The following FAM118B variants were observed in gnomAD, a reference collection of about 807,000 sequenced individuals.
The protein encoded by FAM118B is protein FAM118B.
A neutral mutation model predicts 38.5 loss-of-function variants in FAM118B; 24 were observed. The observed-to-expected ratio is 0.62, with a 90% CI of 0.45 to 0.88. FAM118B has a LOEUF of 0.88. FAM118B is among the 40% of genes least tolerant of loss of function. The probability of loss-of-function intolerance (pLI) is 0.00; values close to 1 mark genes in which losing one functional copy is unlikely to be tolerated. For synonymous variants in FAM118B, 138 were observed against 156.3 expected, an observed-to-expected ratio of 0.88 and a Z score of 0.87; for missense variants, 334 against 420.0, an observed-to-expected ratio of 0.80 and a Z score of 1.79.
rs1950728967 is a variant in FAM118B at position 126,262,812 on chromosome 11, C to A, written c.*679C>A. 6.6e-6 allele frequency: 1 copy of A among 152,540 alleles called. No individual in the cohort carries two copies. Among genetic ancestry groups the A allele is most frequent in the South Asian group, 2.1e-4 (1 of 4,834 alleles). 9.4% of individuals were successfully genotyped at this position (152,540 alleles called of 1,614,324 possible). ...GGACAACCGTTTACTTACCTGATTCCTCGGAGCATTATCAACTTCTGCTCT... is the reference window on the plus strand; with the variant it reads ...GGACAACCGTTTACTTACCTGATTCATCGGAGCATTATCAACTTCTGCTCT... On this transcript the variant is annotated 3_prime_UTR_variant, in exon 9 of 9. Transcript: ENST00000533050.
chr11:126,250,418 T>G lies in FAM118B; in HGVS notation c.340-88T>G. ...TATCTCTGTTTTGAATTCAAAATAT[T>G]CTTCCAAAATTTGTTACTGCTGTAA... On this transcript the variant is annotated intron_variant, in intron 4 of 8. Coordinates refer to ENST00000533050, the MANE Select transcript of FAM118B (RefSeq NM_024556.4). This position sits in a 1 kb window ranked among gnomAD's most constrained non-coding sequence, Gnocchi z 5.1. 1 of 867,934 alleles carries G rather than the reference T, an allele frequency of 1.2e-6. No individual in the cohort carries two copies. The highest frequency in any genetic ancestry group is 1.8e-6 in the Non-Finnish European group (1 of 547,946). The allele number at this position is 867,934 out of a possible 1,614,324, so 53.8% of individuals were successfully genotyped here.
chr11:126,257,569 A>T (rs946886850), intron 7 of FAM118B, among the ~76,000 whole-genome samples: 2 of 152,046 alleles, frequency 1.3e-5, no homozygotes, highest in Non-Finnish European at 2.9e-5. Context: ...GCAGGTTGTA[A>T]ATACCATGGT....
Position 126,261,469 on chromosome 11 carries a change from C to A in FAM118B, c.1027C>A (p.His343Asn). Reference protein sequence around the residue: ...EGQLNGSSAAHSEIRGCST With the variant: ...EGQLNGSSAANSEIRGCST ...TCAGCTAAATGGCTCATCTGCAGCA[C>A]ACAGTGAAATAAGAGGTATACTGTT... The change falls in exon 8 of 9, where the codon CAC (histidine) becomes AAC (asparagine). Residue 343 changes from histidine to asparagine, a missense_variant. This residue lies in a region of FAM118B where 88 missense variants were observed against 98.1 expected (regional missense o/e 0.90). Coordinates refer to ENST00000533050, the MANE Select transcript of FAM118B (RefSeq NM_024556.4). The A allele has an allele frequency of 6.2e-7, 1 of 1,613,508 alleles. No homozygotes were observed. Among genetic ancestry groups the A allele is most frequent in the Non-Finnish European group, 8.5e-7 (1 of 1,179,430 alleles).
rs1287333808 is a variant in FAM118B, at chr11:126,240,889, C to T, written c.184C>T (p.Leu62Phe). Residue 62 changes from leucine (L) to phenylalanine (F), a missense_variant, in exon 4 of 9, where the codon CTC (leucine) becomes TTC (phenylalanine). By Grantham distance (22) the Leu-to-Phe change is conservative (BLOSUM62 0). Transcript: ENST00000533050. ...TGCAGTTGCGCCCCAAGTTCCAGCC[C>T]TCAAATCCTGGAAGGGGTTAATTCA... ...SAAVAPQVPA[L>F]KSWKGLIQAL... 1 of 1,614,036 alleles carries T rather than the reference C, an allele frequency of 6.2e-7. No individual in the cohort carries two copies. Among genetic ancestry groups the T allele is most frequent in the East Asian group, 2.2e-5 (1 of 44,894 alleles).
chr11:126,240,938 A>G lies in FAM118B; in HGVS notation c.233A>G (p.Asp78Gly). The G allele has an allele frequency of 6.2e-7, 1 of 1,614,118 alleles. No individual in the cohort carries two copies. Among genetic ancestry groups the G allele is most frequent in the Non-Finnish European group, 8.5e-7 (1 of 1,180,028 alleles). The change falls in exon 4 of 9, where the codon GAT becomes GGT. Residue 78 changes from aspartate to glycine, a missense_variant. This residue lies in a region of FAM118B where 240 missense variants were observed against 295.9 expected (regional missense o/e 0.81). Coordinates refer to ENST00000533050, the MANE Select transcript of FAM118B (RefSeq NM_024556.4). ...LIQALLDAAI[D>G]FDLLEDEESK... ...CAGGCCTTACTGGATGCTGCCATTG[A>G]TTTTGATCTTTTAGAAGATGAGGAG...
At chr11:126,233,953 G>C (rs1329081667) in intron 2 of FAM118B, among the ~76,000 whole-genome samples, 1 of 152,098 alleles carries the variant, frequency 6.6e-6, no homozygotes, top group Non-Finnish European at 1.5e-5. Context: ...GTGGTAGCAT[G>C]TGCCTGTAGT....
At chr11:126,214,514 G>GTTTTTTTTTTTTTTT (rs71048770) in intron 1 of FAM118B, 3 of 41,498 alleles carry the variant, frequency 7.2e-5, no homozygotes, top group Non-Finnish European at 1.1e-4. Flanking sequence ...TTTTTTTTTT[G>GTTTTTTTTTTTTTTT]TTTTTTTTTT....
chr11:126,233,867 G>C (rs1950238557), intron 2 of FAM118B: 1 of 393,214 alleles, frequency 2.5e-6, no homozygotes, highest in Non-Finnish European at 4.9e-6. Flanking sequence ...AAGATTACTT[G>C]AGCTCAGGAG....
intron 3 of FAM118B, among the ~76,000 whole-genome samples, chr11:126,239,680 A>G (rs1179936920): frequency 6.6e-6 from 1 of 151,982 alleles, no homozygotes; most frequent in Non-Finnish European, 1.5e-5. Context: ...GACCCAGCTA[A>G]TTTTTGTATT....
In FAM118B at chr11:126,253,470, C is replaced by T. The variant is rs1019311176; in HGVS notation, c.568-835C>T. On this transcript the variant is annotated intron_variant, in intron 5 of 8. Coordinates refer to ENST00000533050, the MANE Select transcript of FAM118B (RefSeq NM_024556.4). The surrounding 1 kb of genome is among the most constrained non-coding windows in gnomAD (Gnocchi z 5.1). ...CGCTGTTGTCTAAATGATTGTTCTT[C>T]GCTGGCAGCCTTTTAGGTTCCTCAG... Among the ~76,000 whole-genome samples the T allele has an allele frequency of 2.0e-5, 3 of 152,286 alleles. No homozygotes were observed. Among genetic ancestry groups the T allele is most frequent in the South Asian group, 2.1e-4 (1 of 4,828 alleles).
At chr11:126,238,551 AAG>A (rs1301818652) in intron 3 of FAM118B, among the ~76,000 whole-genome samples, 8 of 152,190 alleles carry the variant, frequency 5.3e-5, no homozygotes, top group African/African-American at 1.4e-4. Context: ...CCTCTGGGGA[AAG>A]AGAGTTGGGG....
Position 126,256,559 on chromosome 11 carries a change from C to T in FAM118B, c.697-8C>T. 2 of 1,612,476 alleles carry T rather than the reference C, an allele frequency of 1.2e-6. No homozygotes were observed. The highest frequency in any genetic ancestry group is 1.7e-6 in the Non-Finnish European group (2 of 1,179,244). On this transcript the variant is annotated splice_polypyrimidine_tract_variant and splice_region_variant and intron_variant, in intron 6 of 8. Transcript: ENST00000533050. The surrounding 1 kb of genome is among the most constrained non-coding windows in gnomAD (Gnocchi z 6.6). ...ACAATGTCAATATGTTGTATCTTTT[C>T]CTTCCAGAGAGAAATTCAGAAACTC... is the stretch of plus-strand genomic sequence containing the variant.
At chr11:126,243,820 C>G (rs1390556681) in intron 4 of FAM118B, among the ~76,000 whole-genome samples, 1 of 151,390 alleles carries the variant, frequency 6.6e-6, no homozygotes, top group Non-Finnish European at 1.5e-5. Flanking sequence ...AGGAGAATTG[C>G]TGGAACCCGG....
intron 2 of FAM118B, among the ~76,000 whole-genome samples, chr11:126,232,391 A>G (rs1950218265): frequency 6.6e-6 from 1 of 152,142 alleles, no homozygotes; most frequent in South Asian, 2.1e-4. Context: ...AATGCCTCGT[A>G]AGGTTATGCG....
intron 3 of FAM118B, among the ~76,000 whole-genome samples, chr11:126,237,856 C>CA (rs1279296349): frequency 0.03 from 1,805 of 59,758 alleles, 20 homozygotes; most frequent in Admixed American, 0.035. Flanking sequence ...ACTCCGTCTC[C>CA]AAAAAAAAAA....
Position 126,240,987 on chromosome 11 carries a change from C to T in FAM118B, c.282C>T (p.Leu94=), listed in dbSNP as rs1950349188. The T allele has an allele frequency of 1.2e-6, 2 of 1,613,906 alleles. No individual in the cohort carries two copies. The highest frequency in any genetic ancestry group is 2.2e-5 in the East Asian group (1 of 44,884). The change falls in exon 4 of 9, where the codon CTC becomes CTT. Residue 94 remains leucine (L), a synonymous_variant. Coordinates refer to ENST00000533050, the MANE Select transcript of FAM118B (RefSeq NM_024556.4). ...AGAGCAAAAAGTTTCAGAAATGTCT[C>T]CATGAAGACAAGAACCTGGTCCATG... The part of the protein sequence containing the change: ...DEESKKFQKC[L]HEDKNLVHVA...
chr11:126,236,766 TC>T (rs889686288), intron 3 of FAM118B, among the ~76,000 whole-genome samples: 6 of 151,948 alleles, frequency 3.9e-5, no homozygotes, highest in African/African-American at 4.8e-5. Context: ...TTTATTTTTT[TC>T]CCCCCCATTT....
rs138136621 is a variant in FAM118B, at chr11:126,235,023, G to T, written c.22G>T (p.Ala8Ser). 9.3e-6 allele frequency: 15 copies of T among 1,614,082 alleles called. No individual in the cohort carries two copies. Among genetic ancestry groups the T allele is most frequent in the Non-Finnish European group, 1.3e-5 (15 of 1,180,004 alleles). Reference sequence around the variant, plus strand: ...CTGGATGGCTTCTACAGGGAGCCAGGCCTCTGATATAGACGAGATTTTTGG... The same window carrying T: ...CTGGATGGCTTCTACAGGGAGCCAGTCCTCTGATATAGACGAGATTTTTGG... MASTGSQ[A>S]SDIDEIFGFF... Residue 8 changes from alanine to serine, a missense_variant, in exon 3 of 9, where the codon GCC (alanine) becomes TCC (serine). This residue lies in a region of FAM118B where 240 missense variants were observed against 295.9 expected (regional missense o/e 0.81). Transcript: ENST00000533050.
chr11:126,213,383 G>A (rs2135114475), intron 1 of FAM118B, among the ~76,000 whole-genome samples: 1 of 152,260 alleles, frequency 6.6e-6, no homozygotes, highest in East Asian at 1.9e-4. Context: ...ATTTCCAAGG[G>A]AGATTGGGAA....
Sources: gnomAD v4.1 joint callset for allele counts (sites outside exome capture counted in the v4.1 genomes callset) on GRCh38, gnomAD v4.1.1 for gene constraint, gnomAD v4.1.1 regional missense constraint, Gnocchi (gnomAD v3.1) non-coding constraint, MANE v1.5 for transcripts, NCBI Gene and HGNC (gene_info 2026-07-23, HGNC 2026-07-21) for gene names.